SPNS3: variants seen among roughly 807,000 people sequenced by gnomAD.
SPNS3 encodes protein spinster homolog 3.
A neutral mutation model predicts 54.4 loss-of-function variants in SPNS3; 51 were observed. That is an observed-to-expected ratio of 0.94 (90% CI 0.75 to 1.18). The LOEUF (loss-of-function observed/expected upper bound fraction) is 1.18, where lower values mean the gene tolerates loss of function less well. Among genes scored for constraint, SPNS3 ranks in the 50% most tolerant of loss-of-function variants. The pLI, the probability that SPNS3 is intolerant of heterozygous loss-of-function variation, is 0.00. For missense variants in SPNS3, 669 were observed against 677.4 expected, an observed-to-expected ratio of 0.99 and a Z score of 0.14; for synonymous variants, 309 against 294.7, an observed-to-expected ratio of 1.05 and a Z score of -0.50.
chr17:4,486,280 T>G lies in SPNS3; in HGVS notation c.1232T>G (p.Val411Gly), dbSNP rs753823106. ...ACGGCAGAGGCACTTCAGATCACGG[T>G]GGGCCACATCCTGGGAGACGCTGGC... ...RGTAEALQIT[V>G]GHILGDAGSP... is the part of the protein sequence containing the mutation. Residue 411 changes from valine to glycine, a missense_variant, in exon 10 of 12, where the codon GTG (valine) becomes GGG (glycine). By Grantham distance (109) the Val-to-Gly change is moderately radical (BLOSUM62 -3). Transcript: ENST00000355530. The surrounding 1 kb of genome is among the most constrained non-coding windows in gnomAD (Gnocchi z 5.5). 8.2e-6 allele frequency: 13 copies of G among 1,592,028 alleles called. No individual in the cohort carries two copies. The South Asian group carries it at 1.5e-4, about 18-fold the overall frequency.
intron 9 of SPNS3, among the ~76,000 whole-genome samples, chr17:4,479,712 G>A (rs770347231): frequency 9.9e-5 from 15 of 152,254 alleles, no homozygotes; most frequent in Non-Finnish European, 1.9e-4. Flanking sequence ...ATTCAATGCC[G>A]CGGCACCAGC....
intron 8 of SPNS3, among the ~76,000 whole-genome samples, chr17:4,469,689 G>A (rs1415664548): frequency 6.6e-6 from 1 of 151,514 alleles, no homozygotes; most frequent in Non-Finnish European, 1.5e-5. Context: ...GTCCAGGCTG[G>A]TTATTTAAAG....
At chr17:4,454,592 C>A (rs1201633568) in intron 8 of SPNS3, among the ~76,000 whole-genome samples, 1 of 151,214 alleles carries the variant, frequency 6.6e-6, no homozygotes, top group East Asian at 1.9e-4. Flanking sequence ...ACAACTTTAG[C>A]CCTGCTTCCA....
chr17:4,449,443 G>A, intron 7 of SPNS3, 56 bp downstream of exon 7: 1 of 1,516,560 alleles, frequency 6.6e-7, no homozygotes, highest in South Asian at 1.3e-5. Context: ...TCTTGCTGAG[G>A]AAGTTCTGAG....
rs540279861 is a variant in SPNS3, at chr17:4,439,547, T to TGCCCTGTGCTGTGCTGGTCAGCTGTG, written c.200-101_200-76dup. The TGCCCTGTGCTGTGCTGGTCAGCTGTG allele has an allele frequency of 1.9e-4, 168 of 877,320 alleles. No individual in the cohort carries two copies. In the African/African-American group the frequency reaches 2.5e-3, roughly 13 times the overall value. The allele number at this position is 877,320 out of a possible 1,614,324, so 54.3% of individuals were successfully genotyped here. On this transcript the variant is annotated intron_variant, in intron 1 of 11. Transcript: ENST00000355530. ...GAGAGAACAGTGGGCTTGGGTGCCA[T>TGCCCTGTGCTGTGCTGGTCAGCTGTG]GCCCTGTGCTGTGCTGGTCAGCTGT... is the stretch of plus-strand genomic sequence containing the variant.
chr17:4,452,158 A>G (rs111620250), intron 7 of SPNS3, among the ~76,000 whole-genome samples: 112 of 152,106 alleles, frequency 7.4e-4, no homozygotes, highest in African/African-American at 2.6e-3. Context: ...GTGCAGTGGT[A>G]TGATCATAGC....
intron 2 of SPNS3, among the ~76,000 whole-genome samples, chr17:4,442,977 G>A (rs1160451784): frequency 1.3e-5 from 2 of 152,192 alleles, no homozygotes; most frequent in Admixed American, 6.5e-5. Context: ...GATTCACAGA[G>A]CGTCTGCAGG....
At chr17:4,459,832 T>C (rs1238966282) in intron 8 of SPNS3, among the ~76,000 whole-genome samples, 1 of 151,982 alleles carries the variant, frequency 6.6e-6, no homozygotes, top group Non-Finnish European at 1.5e-5. Context: ...AAACAAGATA[T>C]ATAAGTATTG....
At chr17:4,448,936 G>A (rs542603905) in intron 6 of SPNS3, among the ~76,000 whole-genome samples, 9 of 152,140 alleles carry the variant, frequency 5.9e-5, no homozygotes, top group Non-Finnish European at 1.2e-4. Context: ...GCAGAGAGGA[G>A]GGAGGAGGAG....
At chr17:4,449,488 G>A (rs1021888370) in intron 7 of SPNS3, 101 bp downstream of exon 7, 1 of 1,355,660 alleles carries the variant, frequency 7.4e-7, no homozygotes, top group Non-Finnish European at 9.7e-7. Flanking sequence ...CTTGGGGTGG[G>A]GCATTTGGTG....
chr17:4,478,714 G>C, intron 9 of SPNS3, 77 bp downstream of exon 9: 1 of 1,456,824 alleles, frequency 6.9e-7, no homozygotes, highest in Non-Finnish European at 9.4e-7. Flanking sequence ...GAGCAGCTGG[G>C]CACTGGCGGC....
intron 7 of SPNS3, among the ~76,000 whole-genome samples, chr17:4,452,282 A>G: frequency 6.6e-6 from 1 of 152,062 alleles, no homozygotes; most frequent in East Asian, 1.9e-4. Context: ...TTTTTTGTAG[A>G]GACAAAATCT....
rs527799713 is a variant in SPNS3 at position 4,470,031 on chromosome 17, G to A, written c.1114-8541G>A. On this transcript the variant is annotated intron_variant, in intron 8 of 11. Transcript: ENST00000355530. ...ATTAGGTAACCGTCATTCCGTACACGTGTCTCTCTATACATTCACAGGCTT... is the reference window on the plus strand; with the variant it reads ...ATTAGGTAACCGTCATTCCGTACACATGTCTCTCTATACATTCACAGGCTT... 7.2e-5 allele frequency among the ~76,000 whole-genome samples: 11 copies of A among 152,196 alleles called. No individual in the cohort carries two copies. The East Asian group carries it at 2.1e-3, about 29-fold the overall frequency.
chr17:4,452,784 A>G (rs76290623), intron 7 of SPNS3, among the ~76,000 whole-genome samples: 8,918 of 151,648 alleles, frequency 0.059, 326 homozygotes, highest in Middle Eastern at 0.13. Context: ...ATGAGACAGG[A>G]GATGAGGCAG....
intron 2 of SPNS3, among the ~76,000 whole-genome samples, chr17:4,441,592 CT>C (rs905605893): frequency 4.6e-5 from 7 of 151,180 alleles, no homozygotes; most frequent in Non-Finnish European, 7.4e-5. Flanking sequence ...TTCACTGGTT[CT>C]TTTTTTTTCC....
At chr17:4,469,288 T>C (rs969840319) in intron 8 of SPNS3, among the ~76,000 whole-genome samples, 1 of 151,990 alleles carries the variant, frequency 6.6e-6, no homozygotes, top group African/African-American at 2.4e-5. Flanking sequence ...GGTTTCACTA[T>C]GTTACCCAGG....
intron 3 of SPNS3, 151 bp downstream of exon 3, chr17:4,445,319 G>A (rs1970954819): frequency 2.5e-6 from 2 of 808,518 alleles, no homozygotes; most frequent in Non-Finnish European, 1.9e-6. Flanking sequence ...GGGAGAGAAG[G>A]TGAGAGCACA....
In SPNS3 at chr17:4,481,366, C is replaced by T. The variant is rs750293519; in HGVS notation, c.1179+2729C>T. Among the ~76,000 whole-genome samples the T allele has an allele frequency of 1.3e-4, 20 of 151,932 alleles. No homozygotes were observed. In the South Asian group the frequency reaches 1.7e-3, roughly 13 times the overall value. On this transcript the variant is annotated intron_variant, in intron 9 of 11. Coordinates refer to ENST00000355530, the MANE Select transcript of SPNS3 (RefSeq NM_182538.5). ...GTAGAGGAAGGTCCCCTTTGCCGGC[C>T]GGCACTGGCTCCTGAGACAGGAGAT...
chr17:4,442,362 G>A (rs900125645), intron 2 of SPNS3, among the ~76,000 whole-genome samples: 3 of 151,748 alleles, frequency 2.0e-5, no homozygotes, highest in Admixed American at 6.6e-5. Flanking sequence ...GTGAAACCTC[G>A]TCTCTACTAA....
Sources: gnomAD v4.1 joint callset for allele counts (sites outside exome capture counted in the v4.1 genomes callset) on GRCh38, gnomAD v4.1.1 for gene constraint, Gnocchi (gnomAD v3.1) non-coding constraint, MANE v1.5 for transcripts, NCBI Gene and HGNC (gene_info 2026-07-23, HGNC 2026-07-21) for gene names.